Variants in NBEAL1 observed in about 807,000 individuals in gnomAD.
NBEAL1 encodes the protein neurobeachin-like protein 1.
Under a neutral mutation model 351.3 loss-of-function variants are expected in NBEAL1, and 273 were observed. That is an observed-to-expected ratio of 0.78 (90% CI 0.70 to 0.86). The LOEUF (loss-of-function observed/expected upper bound fraction) is 0.86. Among genes scored for constraint, NBEAL1 ranks in the 40% least tolerant of loss-of-function variants. NBEAL1 has a pLI of 0.00. For synonymous variants in NBEAL1, 1,050 were observed against 1,086.4 expected (o/e 0.97, Z 0.66); for missense variants, 2,961 against 3,201.3 (o/e 0.92, Z 1.81).
Position 203,077,802 on chromosome 2 carries a change from T to C in NBEAL1, c.649T>C (p.Leu217=). The C allele has an allele frequency of 6.8e-7, 1 of 1,473,718 alleles. No individual in the cohort carries two copies. The highest frequency in any genetic ancestry group is 2.1e-4 in the Middle Eastern group (1 of 4,756). 91.3% of individuals were successfully genotyped at this position (1,473,718 alleles called of 1,614,324 possible). A position where few individuals can be genotyped will look rare whatever the true frequency, so the allele number is the denominator to read the frequency against. ...HLKESLKCCL[L]HLFGAIVAGG... is the part of the protein sequence containing the mutation. ...CAAGGAAAGTCTTAAATGTTGCTTA[T>C]TGCATCTCTTTGGAGCCATTGTAGC... The change falls in exon 8 of 56, where the codon TTG becomes CTG. Residue 217 remains leucine (L), a synonymous_variant. Coordinates refer to ENST00000683969, the MANE Select transcript of NBEAL1 (RefSeq NM_001378026.1).
intron 45 of NBEAL1, among the ~76,000 whole-genome samples, chr2:203,189,481 G>A (rs766246600): frequency 8.4e-4 from 127 of 152,046 alleles, no homozygotes; most frequent in Non-Finnish European, 1.6e-3. Context: ...GAACTCCTGG[G>A]GTCAACCAGC....
chr2:203,110,887 T>G (rs966410949), intron 15 of NBEAL1, among the ~76,000 whole-genome samples: 5 of 148,756 alleles, frequency 3.4e-5, no homozygotes, highest in African/African-American at 1.2e-4. Context: ...TGTCTCAGCC[T>G]CCCAAGTAGC....
At chr2:203,072,343 A>G (rs1465463411) in intron 7 of NBEAL1, among the ~76,000 whole-genome samples, 1 of 151,550 alleles carries the variant, frequency 6.6e-6, no homozygotes, top group Non-Finnish European at 1.5e-5. Flanking sequence ...TCCACTAGTT[A>G]TACCCATGGT....
intron 7 of NBEAL1, among the ~76,000 whole-genome samples, chr2:203,072,348 C>G (rs1238384840): frequency 6.6e-6 from 1 of 151,736 alleles, no homozygotes; most frequent in Non-Finnish European, 1.5e-5. Flanking sequence ...TAGTTATACC[C>G]ATGGTCTGTT....
At position 203,166,147 on chromosome 2, in the gene NBEAL1, A is replaced by G. The variant is rs2064123001; in HGVS notation, c.5715-2A>G. On this transcript the variant is annotated splice_acceptor_variant, in intron 36 of 55. Coordinates refer to ENST00000683969, the MANE Select transcript of NBEAL1 (RefSeq NM_001378026.1). LOFTEE classifies it high-confidence loss of function. ...CTGTTTATTGGCTTCTTGTTTTTAC[A>G]GTGATGAGAAAGAAGAACAGGATCA... 6.4e-7 allele frequency: 1 copy of G among 1,552,374 alleles called. No homozygotes were observed. Among genetic ancestry groups the G allele is most frequent in the Non-Finnish European group, 8.6e-7 (1 of 1,156,850 alleles).
chr2:203,136,002 G>A lies in NBEAL1; in HGVS notation c.4139G>A (p.Gly1380Glu), dbSNP rs776169217. The change falls in exon 28 of 56, where the codon GGA becomes GAA. Residue 1380 changes from glycine (G) to glutamate (E), a missense_variant. Gly to Glu is a moderately conservative substitution (Grantham distance 98). Coordinates refer to ENST00000683969, the MANE Select transcript of NBEAL1 (RefSeq NM_001378026.1). ...TPLFPEDSSV[G>E]ELSFKSENQE... Reference sequence around the variant, plus strand: ...TTATTTCCAGAAGATAGCTCTGTGGGAGAATTGTCTTTCAAATCAGAGAAT... The same window carrying A: ...TTATTTCCAGAAGATAGCTCTGTGGAAGAATTGTCTTTCAAATCAGAGAAT... 2.5e-6 allele frequency: 4 copies of A among 1,613,552 alleles called. No individual in the cohort carries two copies. The highest frequency in any genetic ancestry group is 3.3e-5 in the Admixed American group (2 of 59,966).
intron 38 of NBEAL1, among the ~76,000 whole-genome samples, chr2:203,168,786 C>T (rs959874610): frequency 2.0e-5 from 3 of 146,552 alleles, no homozygotes; most frequent in Admixed American, 1.4e-4. Flanking sequence ...GCCAGCTACT[C>T]GAGAGGCTGA....
At chr2:203,083,608 T>G in intron 9 of NBEAL1, 83 bp downstream of exon 9, 1 of 1,085,102 alleles carries the variant, frequency 9.2e-7, no homozygotes, top group Non-Finnish European at 1.3e-6. Context: ...ACAAGGCCAT[T>G]GTATGGAAAG....
At chr2:203,048,366 G>A (rs1248330487) in intron 3 of NBEAL1, among the ~76,000 whole-genome samples, 2 of 124,336 alleles carry the variant, frequency 1.6e-5, no homozygotes, top group Non-Finnish European at 3.3e-5. Flanking sequence ...TGGCAACACA[G>A]CGAGACTCCA....
chr2:203,166,649 C>T (rs918912132), intron 37 of NBEAL1, among the ~76,000 whole-genome samples: 5 of 151,972 alleles, frequency 3.3e-5, no homozygotes, highest in Non-Finnish European at 7.4e-5. Flanking sequence ...CGGGTTCAAG[C>T]GATTCTCCTG....
At chr2:203,188,388 T>A (rs938192188) in intron 44 of NBEAL1, 84 bp from the exon 45 acceptor site, 2 of 676,848 alleles carry the variant, frequency 3.0e-6, no homozygotes, top group African/African-American at 3.7e-5. Flanking sequence ...ATGTTTCATT[T>A]GTCCTTACTT....
chr2:203,208,612 C>CT, intron 51 of NBEAL1, 25 bp from the exon 52 acceptor site: 1 of 1,532,340 alleles, frequency 6.5e-7, no homozygotes, highest in Non-Finnish European at 9.0e-7. Flanking sequence ...CCACCTTTAC[C>CT]TTTGCTTTTC....
intron 8 of NBEAL1, among the ~76,000 whole-genome samples, chr2:203,081,311 G>A (rs1021659403): frequency 2.6e-5 from 4 of 152,160 alleles, no homozygotes; most frequent in African/African-American, 9.7e-5. Flanking sequence ...TAAAAACAAA[G>A]ATTTTGTAGC....
At chr2:203,046,808 CAT>C (rs1455558023) in intron 3 of NBEAL1, among the ~76,000 whole-genome samples, 1 of 152,170 alleles carries the variant, frequency 6.6e-6, no homozygotes, top group Non-Finnish European at 1.5e-5. Context: ...TAGTTTACAA[CAT>C]ATGAAATTTG....
chr2:203,169,787 C>T lies in NBEAL1; in HGVS notation c.6038C>T (p.Ser2013Phe), dbSNP rs267599165. The T allele has an allele frequency of 1.2e-6, 2 of 1,610,120 alleles. No homozygotes were observed. Among genetic ancestry groups the T allele is most frequent in the East Asian group, 4.5e-5 (2 of 44,696 alleles). The change falls in exon 39 of 56, where the codon TCC becomes TTC. Residue 2013 changes from serine to phenylalanine, a missense_variant. Transcript: ENST00000683969. ...TATAGCCGACTGTTGTCACTTCATT[C>T]CCCAAATAGTTATTATGGAAGCAGA... ...KIYSRLLSLH[S>F]PNSYYGSRSP...
intron 44 of NBEAL1, among the ~76,000 whole-genome samples, chr2:203,184,392 C>G (rs2064833071): frequency 6.6e-6 from 1 of 152,156 alleles, no homozygotes; most frequent in Non-Finnish European, 1.5e-5. Flanking sequence ...GATCGCACCA[C>G]TGCACTCCAG....
At position 203,182,731 on chromosome 2, in the gene NBEAL1, C is replaced by G. The variant is rs541380374; in HGVS notation, c.6596-548C>G. On this transcript the variant is annotated intron_variant, in intron 43 of 55. Coordinates refer to ENST00000683969, the MANE Select transcript of NBEAL1 (RefSeq NM_001378026.1). ...GAAGTTCTTTTGTGTTAACAGTCCC[C>G]CTTCTCCCCTGCCATGTTGTGTAAA... 2.1e-3 allele frequency: 323 copies of G among 152,254 alleles called. 2 individuals are homozygous for G. The highest frequency in any genetic ancestry group is 7.2e-3 in the African/African-American group (301 of 41,524). 9.4% of individuals were successfully genotyped at this position (152,254 alleles called of 1,614,324 possible). A position where few individuals can be genotyped will look rare whatever the true frequency, so the allele number is the denominator to read the frequency against.
intron 36 of NBEAL1, 67 bp downstream of exon 36, chr2:203,157,892 G>C: frequency 7.7e-7 from 1 of 1,295,022 alleles, no homozygotes; most frequent in East Asian, 2.7e-5. Context: ...GAAAAGATTT[G>C]CTTGAAATTC....
At chr2:203,202,830 A>AGAAT (rs2065439508) in intron 51 of NBEAL1, 49 bp downstream of exon 51, 1 of 1,010,470 alleles carries the variant, frequency 9.9e-7, no homozygotes, top group East Asian at 2.4e-5. Flanking sequence ...ATTCACCCTG[A>AGAAT]GAATACTAGC....
Sources: gnomAD v4.1 joint callset for allele counts (sites outside exome capture counted in the v4.1 genomes callset) on GRCh38, gnomAD v4.1.1 for gene constraint, MANE v1.5 for transcripts, NCBI Gene and HGNC (gene_info 2026-07-23, HGNC 2026-07-21) for gene names.